The following FNBP1 variants were observed in gnomAD, a reference collection of about 807,000 sequenced individuals.
FNBP1 encodes the protein formin binding protein 1, also known as formin-binding protein 1.
FNBP1 carries 26 observed loss-of-function variants against 90.6 expected under a neutral mutation model. The observed-to-expected ratio is 0.29, with a 90% CI of 0.21 to 0.40. The LOEUF is 0.40. Ranked by LOEUF, FNBP1 falls within the 10% of genes least tolerant of loss-of-function variation. The pLI is 1.00. For synonymous variants in FNBP1, 260 were observed against 265.2 expected (o/e 0.98, Z 0.19); for missense variants, 635 against 768.0 (o/e 0.83, Z 2.05).
intron 1 of FNBP1, among the ~76,000 whole-genome samples, chr9:130,007,111 G>A (rs1362128796): frequency 2.0e-5 from 3 of 150,924 alleles, no homozygotes; most frequent in East Asian, 3.9e-4. Context: ...GTGTGGTGGC[G>A]CACGCCTATA....
At chr9:129,923,254 GA>G (rs921613909) in intron 10 of FNBP1, among the ~76,000 whole-genome samples, 55 of 151,932 alleles carry the variant, frequency 3.6e-4, no homozygotes, top group African/African-American at 1.3e-3. Context: ...TAAAGAGGAA[GA>G]GGGGTAAAGT....
At chr9:129,955,873 GATAC>G (rs1320813241) in intron 6 of FNBP1, among the ~76,000 whole-genome samples, 1 of 149,164 alleles carries the variant, frequency 6.7e-6, no homozygotes, top group Non-Finnish European at 1.5e-5. Context: ...ATATATGAAT[GATAC>G]ATACACTGAT....
At chr9:130,043,216 C>A (rs1195873368), upstream of FNBP1, 6 of 347,478 alleles carry the variant, frequency 1.7e-5, no homozygotes, top group Non-Finnish European at 3.1e-5. Flanking sequence ...GCCCGCCCTA[C>A]ACCCGGAGAG....
At chr9:129,940,413 T>A (rs1018320770) in intron 6 of FNBP1, among the ~76,000 whole-genome samples, 1 of 152,112 alleles carries the variant, frequency 6.6e-6, no homozygotes, top group African/African-American at 2.4e-5. Flanking sequence ...ATGAGTTAAA[T>A]AGAATAATTT....
Position 130,042,540 on chromosome 9 carries a change from G to C in FNBP1, c.24+412C>G, listed in dbSNP as rs1267266411. On this transcript the variant is annotated intron_variant, in intron 1 of 16. Coordinates refer to ENST00000446176, the MANE Select transcript of FNBP1 (RefSeq NM_015033.3). The surrounding 1 kb of genome is among the most constrained non-coding windows in gnomAD (Gnocchi z 5.5). ...CGGAGCCAGGACAGAACTCGCGGCCGGGGCGCCCCGAGACCCAACGCAGCG... is the reference window on the plus strand; with the variant it reads ...CGGAGCCAGGACAGAACTCGCGGCCCGGGCGCCCCGAGACCCAACGCAGCG... 6.6e-6 allele frequency among the ~76,000 whole-genome samples: 1 copy of C among 151,662 alleles called. No individual in the cohort carries two copies. The highest frequency in any genetic ancestry group is 1.5e-5 in the Non-Finnish European group (1 of 67,892).
intron 1 of FNBP1, among the ~76,000 whole-genome samples, chr9:130,005,024 C>T (rs1477681105): frequency 5.6e-5 from 8 of 142,922 alleles, no homozygotes; most frequent in Non-Finnish European, 1.2e-4. Flanking sequence ...TGAGATGGCG[C>T]CATTGCACTC....
In FNBP1 at chr9:129,954,826, A is replaced by G. The variant is rs575249664; in HGVS notation, c.513+2534T>C. The stretch of plus-strand genomic sequence containing the variant: ...AGCCTGGCCAACGTGGTGAAACCCC[A>G]TCTCTACCAAAAATACAAAAAATTA... On this transcript the variant is annotated intron_variant, in intron 6 of 16. Transcript: ENST00000446176. 3.3e-5 allele frequency among the ~76,000 whole-genome samples: 5 copies of G among 152,212 alleles called. No homozygotes were observed. The South Asian group carries it at 1.0e-3, about 32-fold the overall frequency.
intron 6 of FNBP1, among the ~76,000 whole-genome samples, chr9:129,955,833 GCGCACACACACA>G (rs200622232): frequency 0.076 from 10,612 of 139,042 alleles, 486 homozygotes; most frequent in Admixed American, 0.13. Context: ...TTCTTTTAGC[GCGCACACACACA>G]CACACACACA....
chr9:130,045,739 A>G (rs2060056604), upstream of FNBP1, among the ~76,000 whole-genome samples: 1 of 152,254 alleles, frequency 6.6e-6, no homozygotes, highest in Non-Finnish European at 1.5e-5. Flanking sequence ...CAAAAAATAA[A>G]GGAGAGAGAC....
Position 129,994,996 on chromosome 9 carries a change from C to T in FNBP1, c.25-38G>A, listed in dbSNP as rs745998614. On this transcript the variant is annotated intron_variant, in intron 1 of 16. Coordinates refer to ENST00000446176, the MANE Select transcript of FNBP1 (RefSeq NM_015033.3). ...ACCAAGAGAGAAGTTATGGTCTTTC[C>T]CTGTGATTAACATAATTTCAATGAA... 4 of 916,354 alleles carry T rather than the reference C, an allele frequency of 4.4e-6. No homozygotes were observed. In the African/African-American group the frequency reaches 6.6e-5, roughly 15 times the overall value. 56.8% of individuals were successfully genotyped at this position (916,354 alleles called of 1,614,324 possible).
At position 129,923,915 on chromosome 9, in the gene FNBP1, G is replaced by A. The variant is rs1231121213; in HGVS notation, c.1099C>T (p.Leu367Phe). ...PQSPKQQKEP[L>F]SHRFNEFMTS... Reference sequence around the variant, plus strand: ...ATGAACTCGTTGAAGCGATGGGAGAGGGGTTCCTTTTGCTGCTTGGGAGAC... The same window carrying A: ...ATGAACTCGTTGAAGCGATGGGAGAAGGGTTCCTTTTGCTGCTTGGGAGAC... Residue 367 changes from leucine to phenylalanine, a missense_variant, in exon 10 of 17, where the codon CTC becomes TTC. Transcript: ENST00000446176. The A allele has an allele frequency of 6.2e-7, 1 of 1,600,676 alleles. No homozygotes were observed.
At chr9:130,024,037 C>T (rs1420774995) in intron 1 of FNBP1, among the ~76,000 whole-genome samples, 4 of 152,138 alleles carry the variant, frequency 2.6e-5, no homozygotes, top group African/African-American at 9.7e-5. Context: ...CATTTGCCGT[C>T]ATTTAACCCC....
At chr9:129,932,343 C>G (rs1049768708) in intron 6 of FNBP1, among the ~76,000 whole-genome samples, 1 of 152,028 alleles carries the variant, frequency 6.6e-6, no homozygotes, top group African/African-American at 2.4e-5. Context: ...AGTATTTGTT[C>G]CACTTTCTTC....
At position 129,961,590 on chromosome 9, in the gene FNBP1, C is replaced by T. The variant is rs547959489; in HGVS notation, c.346-3037G>A. The stretch of plus-strand genomic sequence containing the variant: ...CCTTTATATATTTTATTTTTTGAGA[C>T]GGAGTCTTGTTCCGTTGCCCAGGCT... On this transcript the variant is annotated intron_variant, in intron 4 of 16. Coordinates refer to ENST00000446176, the MANE Select transcript of FNBP1 (RefSeq NM_015033.3). Among the ~76,000 whole-genome samples, 11 of 152,070 alleles carry T rather than the reference C, an allele frequency of 7.2e-5. No homozygotes were observed. The South Asian group carries it at 8.3e-4, about 11-fold the overall frequency.
At position 129,961,020 on chromosome 9, in the gene FNBP1, G is replaced by T. The variant is rs73672525; in HGVS notation, c.346-2467C>A. On this transcript the variant is annotated intron_variant, in intron 4 of 16. Coordinates refer to ENST00000446176, the MANE Select transcript of FNBP1 (RefSeq NM_015033.3). ...GCTGATATTTCTATGAGACTCCCAA[G>T]TAGAGAGACTAGCCGAGCGTGGTGG... 5.0e-3 allele frequency among the ~76,000 whole-genome samples: 763 copies of T among 152,088 alleles called. 9 individuals are homozygous for T. The highest frequency in any genetic ancestry group is 0.017 in the African/African-American group (722 of 41,470).
At chr9:129,993,150 C>T (rs1055960425) in intron 2 of FNBP1, among the ~76,000 whole-genome samples, 19 of 148,342 alleles carry the variant, frequency 1.3e-4, no homozygotes, top group Non-Finnish European at 2.2e-4. Context: ...TCACTTGAAC[C>T]TGGGAGGCGG....
chr9:130,047,067 A>G (rs2060064788), upstream of FNBP1, among the ~76,000 whole-genome samples: 1 of 152,110 alleles, frequency 6.6e-6, no homozygotes, highest in Admixed American at 6.6e-5. Context: ...TCAATTTGTG[A>G]TATCTGACAC....
intron 6 of FNBP1, among the ~76,000 whole-genome samples, chr9:129,939,462 A>C (rs1448594033): frequency 6.6e-6 from 1 of 152,164 alleles, no homozygotes; most frequent in African/African-American, 2.4e-5. Flanking sequence ...TAAATATGTA[A>C]GACTATAAGC....
intron 1 of FNBP1, among the ~76,000 whole-genome samples, chr9:130,019,744 A>C (rs1021958686): frequency 6.6e-6 from 1 of 152,252 alleles, no homozygotes; most frequent in East Asian, 1.9e-4. Flanking sequence ...TATTTTATTT[A>C]CTTATTTATT....
Sources: allele counts gnomAD v4.1 joint callset (sites outside exome capture counted in the v4.1 genomes callset), GRCh38; gene constraint gnomAD v4.1.1; non-coding constraint Gnocchi (gnomAD v3.1); transcripts MANE v1.5; gene names NCBI Gene and HGNC (gene_info 2026-07-23, HGNC 2026-07-21).